The following APBA1 variants were observed in gnomAD, a reference collection of about 807,000 sequenced individuals.
APBA1 encodes the protein amyloid beta precursor protein binding family A member 1, also known as amyloid-beta A4 precursor protein-binding family A member 1.
APBA1 carries 55 observed loss-of-function variants against 86.6 expected under a neutral mutation model. The observed-to-expected ratio is 0.64, with a 90% CI of 0.51 to 0.80. The LOEUF is 0.80. Ranked by LOEUF, APBA1 falls within the 30% of genes least tolerant of loss-of-function variation. APBA1 has a pLI of 0.00. For missense variants in APBA1, 1,090 were observed against 1,183.0 expected (o/e 0.92, Z 1.15); for synonymous variants, 511 against 493.9 (o/e 1.03, Z -0.46).
intron 1 of APBA1, among the ~76,000 whole-genome samples, chr9:69,578,545 A>G (rs1821852026): frequency 2.6e-5 from 4 of 152,222 alleles, no homozygotes; most frequent in Admixed American, 2.6e-4. Context: ...ACTTAAAAAC[A>G]ATGTTTTACA....
At chr9:69,475,720 T>C (rs192185093) in intron 3 of APBA1, among the ~76,000 whole-genome samples, 1 of 152,274 alleles carries the variant, frequency 6.6e-6, no homozygotes, top group East Asian at 1.9e-4. Context: ...TTTTGGTGTC[T>C]GAGGTCAAGT....
Position 69,476,093 on chromosome 9 carries a change from T to C in APBA1, c.1251A>G (p.Thr417=). ...SSPLGAESSS[T]SLHPSDPVEA... ...CCACAGGGTCACTGGGGTGAAGAGA[T>C]GTGCTTGATGACTCTGCACCCAAGG... The change falls in exon 3 of 13, where the codon ACA becomes ACG. Residue 417 remains threonine (T), a synonymous_variant. Coordinates refer to ENST00000265381, the MANE Select transcript of APBA1 (RefSeq NM_001163.4). The C allele has an allele frequency of 5.0e-6, 8 of 1,614,136 alleles. No homozygotes were observed. The highest frequency in any genetic ancestry group is 1.1e-5 in the South Asian group (1 of 91,082).
intron 1 of APBA1, among the ~76,000 whole-genome samples, chr9:69,589,988 C>T (rs73647258): frequency 3.9e-5 from 6 of 152,180 alleles, no homozygotes; most frequent in East Asian, 1.9e-4. Flanking sequence ...GGGCTCATGC[C>T]GCTCCTCCTC....
At position 69,515,331 on chromosome 9, in the gene APBA1, A is replaced by G. The variant is rs189490635; in HGVS notation, c.1200+680T>C. The stretch of plus-strand genomic sequence containing the variant: ...TCCTCCAGGTGCGTGAACTTTGGCC[A>G]GCATACAACCACTCCTGAGAAAACG... On this transcript the variant is annotated intron_variant, in intron 2 of 12. Transcript: ENST00000265381. Among the ~76,000 whole-genome samples, 125 of 152,182 alleles carry G rather than the reference A, an allele frequency of 8.2e-4. 1 individual carries two copies. The highest frequency in any genetic ancestry group is 2.8e-3 in the African/African-American group (118 of 41,538).
At chr9:69,542,226 G>A (rs571168457) in intron 1 of APBA1, among the ~76,000 whole-genome samples, 1 of 152,274 alleles carries the variant, frequency 6.6e-6, no homozygotes, top group South Asian at 2.1e-4. Flanking sequence ...TCCCACCAGA[G>A]TGGTGCATTT....
At chr9:69,624,561 C>T (rs544748461) in intron 1 of APBA1, among the ~76,000 whole-genome samples, 21 of 152,204 alleles carry the variant, frequency 1.4e-4, no homozygotes, top group African/African-American at 4.8e-4. Context: ...GTGAGGTGCC[C>T]AGCAGGTCAA....
intron 1 of APBA1, among the ~76,000 whole-genome samples, chr9:69,577,098 A>G (rs540165746): frequency 6.6e-6 from 1 of 152,338 alleles, no homozygotes; most frequent in East Asian, 1.9e-4. Context: ...CATATCCATC[A>G]TCTCAAACAT....
chr9:69,441,248 CCTCT>C, intron 10 of APBA1, 133 bp from the exon 11 acceptor site: 12 of 1,096,052 alleles, frequency 1.1e-5, no homozygotes, highest in Non-Finnish European at 1.5e-5. Context: ...TGCCTGCAGG[CCTCT>C]GGTGCCTGGG....
rs1823178392 is a variant in APBA1, at chr9:69,636,863, G to GAAAGAA, written c.-70+35289_-70+35290insTTCTTT. Among the ~76,000 whole-genome samples the GAAAGAA allele has an allele frequency of 2.9e-5, 3 of 103,804 alleles. 1 individual carries two copies. Among genetic ancestry groups the GAAAGAA allele is most frequent in the Non-Finnish European group, 2.1e-5 (1 of 46,826 alleles). 68.1% of individuals were successfully genotyped at this position (103,804 alleles called of 152,430 possible). A position where few individuals can be genotyped will look rare whatever the true frequency, so the allele number is the denominator to read the frequency against. On this transcript the variant is annotated intron_variant, in intron 1 of 12. Coordinates refer to ENST00000265381, the MANE Select transcript of APBA1 (RefSeq NM_001163.4). ...AGGGAGGGAGGGAGGGAGGGAGGGAGGGAGAGAGAAAGAAAGAAGGAAGGA... is the reference window on the plus strand; with the variant it reads ...AGGGAGGGAGGGAGGGAGGGAGGGAGAAAGAAGGAGAGAGAAAGAAAGAAGGAAGGA...
intron 1 of APBA1, among the ~76,000 whole-genome samples, chr9:69,658,209 T>G (rs1334732496): frequency 6.6e-6 from 1 of 152,156 alleles, no homozygotes; most frequent in African/African-American, 2.4e-5. Context: ...GTTGTCCTAC[T>G]CAAGTCCTTT....
intron 1 of APBA1, among the ~76,000 whole-genome samples, chr9:69,636,917 A>G (rs1823182189): frequency 8.3e-6 from 1 of 120,110 alleles, no homozygotes; most frequent in Non-Finnish European, 1.8e-5. Context: ...GAAGGAAGGA[A>G]GGAAGGAAAG....
At position 69,517,148 on chromosome 9, in the gene APBA1, C is replaced by CACCTCCCCACCTGCCGCCTCGTCG; in HGVS notation, c.39_62dup (p.Asp14_Val21dup). ...CCAGGTCGGCCTCCACCGACTCGTT[C>CACCTCCCCACCTGCCGCCTCGTCG]ACCTCCCCACCTGCCGCCTCGTCGG... is the stretch of plus-strand genomic sequence containing the variant. On this transcript the variant is annotated inframe_insertion, in exon 2 of 13. Transcript: ENST00000265381. 6.4e-7 allele frequency: 1 copy of CACCTCCCCACCTGCCGCCTCGTCG among 1,563,226 alleles called. No homozygotes were observed. Among genetic ancestry groups the CACCTCCCCACCTGCCGCCTCGTCG allele is most frequent in the Non-Finnish European group, 8.7e-7 (1 of 1,155,968 alleles).
At chr9:69,490,487 T>A (rs565440217) in intron 2 of APBA1, among the ~76,000 whole-genome samples, 37 of 138,554 alleles carry the variant, frequency 2.7e-4, no homozygotes, top group Admixed American at 6.6e-4. Context: ...TAATAAAATT[T>A]TTAAAAAAAA....
intron 5 of APBA1, chr9:69,460,643 G>T (rs909985743): frequency 6.6e-6 from 1 of 151,686 alleles, no homozygotes; most frequent in Non-Finnish European, 1.5e-5. Flanking sequence ...ACCATCACTG[G>T]AGTACCCAAA....
intron 2 of APBA1, among the ~76,000 whole-genome samples, chr9:69,496,977 A>G (rs1384866911): frequency 6.6e-6 from 1 of 152,068 alleles, no homozygotes; most frequent in African/African-American, 2.4e-5. Context: ...AGAAATGACC[A>G]GCACACGTAA....
intron 1 of APBA1, among the ~76,000 whole-genome samples, chr9:69,667,221 C>T (rs1400422851): frequency 1.3e-5 from 2 of 152,160 alleles, no homozygotes; most frequent in Admixed American, 1.3e-4. Flanking sequence ...CCTCTTTTTA[C>T]TGCATTTAAG....
In APBA1 at chr9:69,563,635, C is replaced by T. The variant is rs115850643; in HGVS notation, c.-69-46356G>A. On this transcript the variant is annotated intron_variant, in intron 1 of 12. Transcript: ENST00000265381. Reference sequence around the variant, plus strand: ...AGCTCATATTATTCTCAATGTACTGCTTACTTGGTTTTAATTTTTTTTTTT... The same window carrying T: ...AGCTCATATTATTCTCAATGTACTGTTTACTTGGTTTTAATTTTTTTTTTT... Among the ~76,000 whole-genome samples, 1,215 of 152,112 alleles carry T rather than the reference C, an allele frequency of 8.0e-3. 13 individuals are homozygous for T. The highest frequency in any genetic ancestry group is 0.028 in the African/African-American group (1,148 of 41,470).
At chr9:69,584,763 T>C (rs1255801223) in intron 1 of APBA1, among the ~76,000 whole-genome samples, 2 of 152,200 alleles carry the variant, frequency 1.3e-5, no homozygotes, top group Non-Finnish European at 2.9e-5. Flanking sequence ...CTTATATTCT[T>C]GTAGGAAAAT....
chr9:69,621,313 A>T (rs1477244224), intron 1 of APBA1, among the ~76,000 whole-genome samples: 1 of 152,130 alleles, frequency 6.6e-6, no homozygotes, highest in Non-Finnish European at 1.5e-5. Context: ...CACAATAATG[A>T]CTTCATTACC....
Sources: gnomAD v4.1 joint callset for allele counts (sites outside exome capture counted in the v4.1 genomes callset) on GRCh38, gnomAD v4.1.1 for gene constraint, MANE v1.5 for transcripts, NCBI Gene and HGNC (gene_info 2026-07-23, HGNC 2026-07-21) for gene names.